Variants in EPHA6 observed in about 807,000 individuals in gnomAD.
EPHA6 encodes the protein EPH receptor A6, also known as ephrin type-A receptor 6.
EPHA6 carries 50 observed loss-of-function variants against 112.0 expected under a neutral mutation model. That is an observed-to-expected ratio of 0.45 (90% CI 0.36 to 0.56). The LOEUF (loss-of-function observed/expected upper bound fraction) is 0.56, where lower values mean the gene tolerates loss of function less well. EPHA6 is among the 20% of genes least tolerant of loss of function. The pLI is 0.00. For missense variants in EPHA6, 1,280 were observed against 1,417.4 expected (o/e 0.90, Z 1.56); for synonymous variants, 529 against 490.7 (o/e 1.08, Z -1.03).
intron 11 of EPHA6, among the ~76,000 whole-genome samples, chr3:97,533,470 T>C (rs887492492): frequency 6.6e-6 from 1 of 152,100 alleles, no homozygotes; most frequent in Non-Finnish European, 1.5e-5. Flanking sequence ...AATGAATAGA[T>C]TCCTGACAGC....
At chr3:97,546,644 A>C (rs1577727789) in intron 11 of EPHA6, among the ~76,000 whole-genome samples, 1 of 152,184 alleles carries the variant, frequency 6.6e-6, no homozygotes, top group Admixed American at 6.5e-5. Flanking sequence ...CTCCTGGATA[A>C]TATCCTGCAG....
At chr3:97,252,903 A>G (rs933406614) in intron 5 of EPHA6, among the ~76,000 whole-genome samples, 6 of 152,220 alleles carry the variant, frequency 3.9e-5, no homozygotes, top group African/African-American at 1.4e-4. Context: ...TAAAGTGGTA[A>G]TGTCACTGTT....
At chr3:97,527,723 G>A (rs919212552) in intron 10 of EPHA6, among the ~76,000 whole-genome samples, 2 of 152,124 alleles carry the variant, frequency 1.3e-5, no homozygotes, top group Non-Finnish European at 2.9e-5. Context: ...GATGCAGTTT[G>A]GTAACATCAA....
At chr3:97,537,641 C>A (rs1179526989) in intron 11 of EPHA6, among the ~76,000 whole-genome samples, 2 of 152,090 alleles carry the variant, frequency 1.3e-5, no homozygotes, top group African/African-American at 4.8e-5. Context: ...TGCAGTGGCA[C>A]GATCTTGACT....
intron 3 of EPHA6, among the ~76,000 whole-genome samples, chr3:97,188,411 G>A (rs182241988): frequency 9.2e-5 from 14 of 151,804 alleles, no homozygotes; most frequent in Middle Eastern, 3.4e-3. Flanking sequence ...ATTTATTTAC[G>A]TATTTCTATA....
intron 3 of EPHA6, among the ~76,000 whole-genome samples, chr3:97,075,488 G>T (rs1559711445): frequency 2.6e-5 from 4 of 151,850 alleles, no homozygotes; most frequent in Admixed American, 2.6e-4. Flanking sequence ...CTAAAGCACT[G>T]TAACTTAAAT....
At chr3:97,674,069 C>T (rs890493009) in intron 14 of EPHA6, among the ~76,000 whole-genome samples, 1 of 152,130 alleles carries the variant, frequency 6.6e-6, no homozygotes, top group African/African-American at 2.4e-5. Context: ...AACCTAAAAG[C>T]TAAGCACAAC....
At chr3:97,003,507 C>T (rs188309991) in intron 3 of EPHA6, among the ~76,000 whole-genome samples, 5 of 152,152 alleles carry the variant, frequency 3.3e-5, no homozygotes, top group Non-Finnish European at 5.9e-5. Context: ...AGAATTCCCA[C>T]AGAGTTTCTT....
chr3:97,200,683 A>G (rs1391775828), intron 3 of EPHA6, among the ~76,000 whole-genome samples: 1 of 152,104 alleles, frequency 6.6e-6, no homozygotes, highest in African/African-American at 2.4e-5. Flanking sequence ...ATTTAATTCA[A>G]TAGTTACTAA....
chr3:97,549,797 C>T (rs975442069), intron 11 of EPHA6, among the ~76,000 whole-genome samples: 11 of 151,446 alleles, frequency 7.3e-5, no homozygotes, highest in Non-Finnish European at 1.2e-4. Context: ...GGCGACAAGG[C>T]GAGACTCTGT....
At chr3:97,390,663 A>G (rs115306586) in intron 5 of EPHA6, among the ~76,000 whole-genome samples, 2,384 of 152,108 alleles carry the variant, frequency 0.016, 62 homozygotes, top group African/African-American at 0.052. Flanking sequence ...AGAAAACATT[A>G]TGTAGAATCT....
chr3:97,020,815 C>G (rs2044431519), intron 3 of EPHA6, among the ~76,000 whole-genome samples: 1 of 152,006 alleles, frequency 6.6e-6, no homozygotes, highest in Non-Finnish European at 1.5e-5. Context: ...AGAGTCTGTT[C>G]TTAACCCATT....
At chr3:97,534,388 C>T (rs1245917993) in intron 11 of EPHA6, among the ~76,000 whole-genome samples, 3 of 151,828 alleles carry the variant, frequency 2.0e-5, no homozygotes, top group African/African-American at 7.3e-5. Context: ...CACATAAGGA[C>T]CTTTAACCTA....
At chr3:97,156,674 G>C (rs1404375931) in intron 3 of EPHA6, among the ~76,000 whole-genome samples, 1 of 152,058 alleles carries the variant, frequency 6.6e-6, no homozygotes, top group African/African-American at 2.4e-5. Flanking sequence ...CTGTATGCTT[G>C]ATATTTTAAG....
intron 5 of EPHA6, among the ~76,000 whole-genome samples, chr3:97,351,169 G>A (rs984893676): frequency 6.6e-6 from 1 of 152,166 alleles, no homozygotes; most frequent in African/African-American, 2.4e-5. Flanking sequence ...GCAATTTGTC[G>A]ATTGAAAGAT....
chr3:97,652,969 A>G (rs751111030), intron 14 of EPHA6, among the ~76,000 whole-genome samples: 24 of 152,058 alleles, frequency 1.6e-4, no homozygotes, highest in Admixed American at 2.0e-4. Flanking sequence ...GAGAAATAAT[A>G]AAATGAGGAG....
intron 2 of EPHA6, among the ~76,000 whole-genome samples, chr3:96,923,581 G>T (rs1364471159): frequency 6.6e-6 from 1 of 151,974 alleles, no homozygotes; most frequent in Non-Finnish European, 1.5e-5. Flanking sequence ...CTATCTTGTA[G>T]GTTGTGTGTT....
At chr3:97,162,970 G>C (rs1576597255) in intron 3 of EPHA6, among the ~76,000 whole-genome samples, 1 of 152,168 alleles carries the variant, frequency 6.6e-6, no homozygotes, top group South Asian at 2.1e-4. Flanking sequence ...TTTGCCTTTG[G>C]TGGTTGAGTG....
intron 10 of EPHA6, among the ~76,000 whole-genome samples, chr3:97,517,881 A>G (rs536849104): frequency 6.6e-6 from 1 of 152,088 alleles, no homozygotes; most frequent in Non-Finnish European, 1.5e-5. Context: ...TTCACTTTCC[A>G]TAATGTCCTC....
Sources: gnomAD v4.1 joint callset for allele counts (sites outside exome capture counted in the v4.1 genomes callset) on GRCh38, gnomAD v4.1.1 for gene constraint, MANE v1.5 for transcripts, NCBI Gene and HGNC (gene_info 2026-07-23, HGNC 2026-07-21) for gene names.